The following TG variants were observed in gnomAD, a reference collection of about 807,000 sequenced individuals.
TG encodes the protein thyroglobulin, also known as thyroid hormones.
A neutral mutation model predicts 324.7 loss-of-function variants in TG; 270 were observed. The ratio of observed to expected loss-of-function variants is 0.83; its 90% confidence interval spans 0.75 to 0.92. TG has a LOEUF of 0.92. Among genes scored for constraint, TG ranks in the 40% least tolerant of loss-of-function variants. The pLI is 0.00. For synonymous variants in TG, 1,401 were observed against 1,327.0 expected, an observed-to-expected ratio of 1.06 and a Z score of -1.21; for missense variants, 3,591 against 3,456.4, an observed-to-expected ratio of 1.04 and a Z score of -0.98.
At chr8:133,110,489 C>T (rs1453702972) in intron 43 of TG, among the ~76,000 whole-genome samples, 2 of 152,164 alleles carry the variant, frequency 1.3e-5, no homozygotes, top group African/African-American at 4.8e-5. Flanking sequence ...AGCAAGAGAG[C>T]CTTCTTCCAT....
intron 35 of TG, among the ~76,000 whole-genome samples, chr8:133,006,433 C>T (rs1346821849): frequency 1.3e-5 from 2 of 152,254 alleles, no homozygotes; most frequent in Non-Finnish European, 2.9e-5. Flanking sequence ...GAATCTGATG[C>T]TCACCCAAGT....
intron 45 of TG, among the ~76,000 whole-genome samples, chr8:133,117,614 C>T (rs1850803325): frequency 2.0e-5 from 3 of 152,216 alleles, no homozygotes; most frequent in South Asian, 4.1e-4. Context: ...ACAATCTACT[C>T]CTCTAGAGGG....
Position 132,941,539 on chromosome 8 carries a change from G to A in TG, c.5230G>A (p.Gly1744Arg), listed in dbSNP as rs1563982720. The change falls in exon 26 of 48, where the codon GGA (glycine) becomes AGA (arginine). Residue 1744 changes from glycine to arginine, a missense_variant. Transcript: ENST00000220616. The stretch of plus-strand genomic sequence containing the variant: ...TGGCTTCGTCCTCACACAGGTTCAA[G>A]GAGGTAATGTTGGCAGTGAGGGCCA... ...CDGFVLTQVQ[G>R]GAIICGLLSS... 6.2e-7 allele frequency: 1 copy of A among 1,614,078 alleles called. No homozygotes were observed. The highest frequency in any genetic ancestry group is 1.3e-5 in the African/African-American group (1 of 74,920).
chr8:132,956,953 C>G (rs192769279), intron 27 of TG, among the ~76,000 whole-genome samples: 1 of 151,922 alleles, frequency 6.6e-6, no homozygotes, highest in Admixed American at 6.6e-5. Context: ...GAGTCAAGGA[C>G]GACCCAAGAG....
intron 45 of TG, among the ~76,000 whole-genome samples, chr8:133,119,144 G>A (rs1850944024): frequency 1.3e-5 from 2 of 152,136 alleles, no homozygotes; most frequent in Admixed American, 6.5e-5. Flanking sequence ...AAGTTTCAAT[G>A]GTTTTAAACC....
rs148430658 is a variant in TG at position 132,970,125 on chromosome 8, G to C, written c.5975+556G>C. 3.3e-3 allele frequency among the ~76,000 whole-genome samples: 495 copies of C among 152,062 alleles called. 6 individuals are homozygous for C. The highest frequency in any genetic ancestry group is 0.011 in the African/African-American group (477 of 41,502). Reference sequence around the variant, plus strand: ...ATCAAGTATGGTACTAAATTTGATTGTCAAAACCTCACATTGCAGTGCTCA... The same window carrying C: ...ATCAAGTATGGTACTAAATTTGATTCTCAAAACCTCACATTGCAGTGCTCA... On this transcript the variant is annotated intron_variant, in intron 32 of 47. Coordinates refer to ENST00000220616, the MANE Select transcript of TG (RefSeq NM_003235.5).
At chr8:132,940,679 A>G (rs1027509494) in intron 25 of TG, among the ~76,000 whole-genome samples, 2 of 152,238 alleles carry the variant, frequency 1.3e-5, no homozygotes, top group African/African-American at 2.4e-5. Flanking sequence ...AAACTCTGCA[A>G]TGGTCACTTT....
intron 35 of TG, among the ~76,000 whole-genome samples, chr8:133,011,682 C>T (rs1834522163): frequency 6.6e-6 from 1 of 152,120 alleles, no homozygotes; most frequent in Non-Finnish European, 1.5e-5. Flanking sequence ...TGTTTTCAAC[C>T]TTTGTATTCC....
At chr8:133,025,238 C>T (rs1465641845) in intron 40 of TG, among the ~76,000 whole-genome samples, 4 of 152,334 alleles carry the variant, frequency 2.6e-5, no homozygotes, top group Admixed American at 1.3e-4. Flanking sequence ...GGAGCTATCT[C>T]CCGCCTGCCT....
intron 15 of TG, among the ~76,000 whole-genome samples, chr8:132,900,847 CT>C (rs1336917102): frequency 6.6e-6 from 1 of 152,190 alleles, no homozygotes; most frequent in Non-Finnish European, 1.5e-5. Flanking sequence ...ATCAGTTGTG[CT>C]TCAGGGTGCA....
chr8:133,047,927 C>T lies in TG; in HGVS notation c.7239+17904C>T, dbSNP rs558354498. 88 of 1,605,586 alleles carry T rather than the reference C, an allele frequency of 5.5e-5. 1 individual carries two copies. In the South Asian group the frequency reaches 9.7e-4, roughly 18 times the overall value. Reference sequence around the variant, plus strand: ...CCTTGTCTCTGCCCAGGCCCTCAAACAGCCAGCTGGGAAGGAGGAAGACAG... The same window carrying T: ...CCTTGTCTCTGCCCAGGCCCTCAAATAGCCAGCTGGGAAGGAGGAAGACAG... On this transcript the variant is annotated intron_variant, in intron 41 of 47. Coordinates refer to ENST00000220616, the MANE Select transcript of TG (RefSeq NM_003235.5).
chr8:133,017,922 C>T lies in TG; in HGVS notation c.6707C>T (p.Pro2236Leu), dbSNP rs145564745. Residue 2236 changes from proline (P) to leucine (L), a missense_variant, in exon 38 of 48, where the codon CCG becomes CTG. Transcript: ENST00000220616. Reference protein sequence around the residue: ...DQFLGVPYAAPPLAERRFQAP... With the variant: ...DQFLGVPYAALPLAERRFQAP... ...TTCCTTGGAGTTCCATATGCTGCCC[C>T]GCCCCTGGCAGAGAGGCGCTTCCAG... 54 of 1,614,046 alleles carry T rather than the reference C, an allele frequency of 3.3e-5. No individual in the cohort carries two copies. The highest frequency in any genetic ancestry group is 3.3e-4 in the Middle Eastern group (2 of 6,084).
chr8:133,054,532 A>C (rs987503133), intron 41 of TG, among the ~76,000 whole-genome samples: 14 of 152,200 alleles, frequency 9.2e-5, no homozygotes, highest in African/African-American at 3.4e-4. Context: ...GATGCATTGC[A>C]TTTTAGGGCC....
intron 41 of TG, among the ~76,000 whole-genome samples, chr8:133,081,552 G>T (rs1489321978): frequency 6.6e-6 from 1 of 151,776 alleles, no homozygotes; most frequent in East Asian, 1.9e-4. Context: ...TCTTCGGGAG[G>T]TCTTTTGGCC....
At chr8:133,026,562 G>A (rs1836100763) in intron 40 of TG, among the ~76,000 whole-genome samples, 1 of 152,230 alleles carries the variant, frequency 6.6e-6, no homozygotes, top group Non-Finnish European at 1.5e-5. Context: ...AGGGAACTGG[G>A]GTGGTGGCAT....
At position 132,988,876 on chromosome 8, in the gene TG, T is replaced by G. The variant is rs901658518; in HGVS notation, c.6262+5464T>G. On this transcript the variant is annotated intron_variant, in intron 35 of 47. Coordinates refer to ENST00000220616, the MANE Select transcript of TG (RefSeq NM_003235.5). The stretch of plus-strand genomic sequence containing the variant: ...AGCATTCAGCTTGCCATTCTCTATT[T>G]CAGAAATGTTTCTCTTAGAGGTGTG... 6 of 985,268 alleles carry G rather than the reference T, an allele frequency of 6.1e-6. No individual in the cohort carries two copies. In the African/African-American group the frequency reaches 8.7e-5, roughly 14 times the overall value. The allele number at this position is 985,268 out of a possible 1,614,324, so 61.0% of individuals were successfully genotyped here.
At chr8:133,118,088 A>G (rs1460681259) in intron 45 of TG, among the ~76,000 whole-genome samples, 1 of 152,140 alleles carries the variant, frequency 6.6e-6, no homozygotes, top group Middle Eastern at 3.2e-3. Flanking sequence ...CAACGCCCCT[A>G]AAGTAGGCTG....
Position 132,966,465 on chromosome 8 carries a change from T to TG in TG, c.5549-95_5549-94insG, listed in dbSNP as rs72159154. ...GACACTTTCTCTCTCTGTCTCTCTC[T>TG]CTGTGTGTGTGTGTGTGTGTGTTTC... is the stretch of plus-strand genomic sequence containing the variant. On this transcript the variant is annotated intron_variant, in intron 29 of 47. Coordinates refer to ENST00000220616, the MANE Select transcript of TG (RefSeq NM_003235.5). 5.8e-6 allele frequency: 7 copies of TG among 1,210,278 alleles called. No individual in the cohort carries two copies. The East Asian group carries it at 2.0e-4, about 35-fold the overall frequency. 75.0% of individuals were successfully genotyped at this position (1,210,278 alleles called of 1,614,324 possible).
chr8:133,000,445 CAA>C (rs1461663154), intron 35 of TG, among the ~76,000 whole-genome samples: 1 of 152,216 alleles, frequency 6.6e-6, no homozygotes, highest in Non-Finnish European at 1.5e-5. Flanking sequence ...CAAATTAAAA[CAA>C]AAGACCAATA....
Sources: allele counts gnomAD v4.1 joint callset (sites outside exome capture counted in the v4.1 genomes callset), GRCh38; gene constraint gnomAD v4.1.1; transcripts MANE v1.5; gene names NCBI Gene and HGNC (gene_info 2026-07-23, HGNC 2026-07-21).